The following CHST8 variants were observed in gnomAD, a reference collection of about 807,000 sequenced individuals.
CHST8 encodes the protein GALNAC-4-ST1.
In CHST8, 10 loss-of-function variants were observed where a neutral mutation model predicts 15.0. The ratio of observed to expected loss-of-function variants is 0.67; its 90% confidence interval spans 0.41 to 1.13. The LOEUF is 1.13. Ranked by LOEUF, CHST8 falls within the 50% of genes most tolerant of loss-of-function variation. The pLI is 0.00. For synonymous variants in CHST8, 259 were observed against 256.6 expected, an observed-to-expected ratio of 1.01 and a Z score of -0.09; for missense variants, 634 against 608.2, an observed-to-expected ratio of 1.04 and a Z score of -0.45.
At chr19:33,755,545 G>T (rs1303983466) in intron 3 of CHST8, among the ~76,000 whole-genome samples, 1 of 152,196 alleles carries the variant, frequency 6.6e-6, no homozygotes, top group Non-Finnish European at 1.5e-5. Context: ...TACCTGGCCC[G>T]CTCCTCATCC....
At chr19:33,630,656 G>C (rs1972110908) in intron 1 of CHST8, among the ~76,000 whole-genome samples, 1 of 151,468 alleles carries the variant, frequency 6.6e-6, no homozygotes, top group African/African-American at 2.4e-5. Context: ...TACGATGACG[G>C]AGCCAGCACG....
intron 3 of CHST8, among the ~76,000 whole-genome samples, chr19:33,738,208 T>C (rs1974121243): frequency 6.6e-6 from 1 of 152,224 alleles, no homozygotes; most frequent in South Asian, 2.1e-4. Flanking sequence ...GACAGGGTCG[T>C]GGACTGGCTG....
At chr19:33,725,877 T>C (rs1004014734) in intron 3 of CHST8, among the ~76,000 whole-genome samples, 2 of 152,058 alleles carry the variant, frequency 1.3e-5, no homozygotes, top group African/African-American at 4.8e-5. Context: ...AGGGTCTAGG[T>C]GGCTGGTATT....
chr19:33,743,493 G>A (rs965576652), intron 3 of CHST8, among the ~76,000 whole-genome samples: 3 of 151,874 alleles, frequency 2.0e-5, no homozygotes, highest in Non-Finnish European at 2.9e-5. Context: ...AGTAGAGACG[G>A]GATTTCACCG....
chr19:33,694,189 T>A (rs1397865771), intron 3 of CHST8, among the ~76,000 whole-genome samples: 1 of 65,482 alleles, frequency 1.5e-5, no homozygotes, highest in African/African-American at 6.2e-5. Flanking sequence ...TATATATATA[T>A]ATATATATAT....
chr19:33,704,908 TAAAAAAAA>T (rs553461502), intron 3 of CHST8, among the ~76,000 whole-genome samples: 2 of 127,384 alleles, frequency 1.6e-5, no homozygotes, highest in African/African-American at 5.7e-5. Context: ...GATGCTGTCT[TAAAAAAAA>T]AAAAAAAAAG....
chr19:33,772,344 G>T lies in CHST8; in HGVS notation c.556G>T (p.Val186Leu). ...VTPRHVSRIF[V>L]EDRHRVLYCE... ...GCCCCGCCACGTGTCCCGTATCTTC[G>T]TGGAGGACCGCCACCGCGTGCTCTA... The change falls in exon 5 of 5, where the codon GTG becomes TTG. Residue 186 changes from valine to leucine, a missense_variant. By Grantham distance (32) the Val-to-Leu change is conservative (BLOSUM62 1). Coordinates refer to ENST00000650847, the MANE Select transcript of CHST8 (RefSeq NM_001127895.2). The T allele has an allele frequency of 6.2e-7, 1 of 1,606,660 alleles. No homozygotes were observed. The highest frequency in any genetic ancestry group is 8.5e-7 in the Non-Finnish European group (1 of 1,179,182).
At chr19:33,644,660 G>A (rs764680420) in intron 1 of CHST8, among the ~76,000 whole-genome samples, 18 of 152,120 alleles carry the variant, frequency 1.2e-4, no homozygotes, top group South Asian at 4.1e-4. Flanking sequence ...AGGATCAGTC[G>A]ATTCCAGGAG....
At chr19:33,640,419 G>A (rs149889996) in intron 1 of CHST8, among the ~76,000 whole-genome samples, 108 of 152,278 alleles carry the variant, frequency 7.1e-4, no homozygotes, top group African/African-American at 2.6e-3. Flanking sequence ...AGGTCTGTCC[G>A]TTCCTGTTCC....
intron 3 of CHST8, among the ~76,000 whole-genome samples, chr19:33,732,610 T>A (rs2145327842): frequency 6.6e-6 from 1 of 152,150 alleles, no homozygotes; most frequent in Non-Finnish European, 1.5e-5. Flanking sequence ...AGGATACCCA[T>A]AGATAGAACA....
At chr19:33,690,048 G>A (rs530595756) in intron 3 of CHST8, among the ~76,000 whole-genome samples, 48 of 152,244 alleles carry the variant, frequency 3.2e-4, no homozygotes, top group African/African-American at 1.1e-3. Context: ...TCTGCTGCCG[G>A]GACACGGTCC....
At chr19:33,656,186 CTA>C (rs761722081) in intron 1 of CHST8, among the ~76,000 whole-genome samples, 1 of 151,904 alleles carries the variant, frequency 6.6e-6, no homozygotes, top group East Asian at 1.9e-4. Context: ...TTATTAATTT[CTA>C]GTTAGATAGT....
chr19:33,626,591 T>C (rs761612383), intron 1 of CHST8, among the ~76,000 whole-genome samples: 2 of 152,236 alleles, frequency 1.3e-5, no homozygotes, highest in Middle Eastern at 3.4e-3. Flanking sequence ...GCTCTATTAG[T>C]TCCCACAAGA....
intron 1 of CHST8, among the ~76,000 whole-genome samples, chr19:33,655,639 G>A (rs1364372075): frequency 6.6e-6 from 1 of 152,094 alleles, no homozygotes; most frequent in Non-Finnish European, 1.5e-5. Context: ...GTATCACTTT[G>A]CTTCCCTAGA....
At chr19:33,729,425 C>G (rs1177651371) in intron 3 of CHST8, among the ~76,000 whole-genome samples, 2 of 152,220 alleles carry the variant, frequency 1.3e-5, no homozygotes, top group Non-Finnish European at 2.9e-5. Context: ...AGACAGAAGT[C>G]ACAGCGCGTG....
rs138150067 is a variant in CHST8, at chr19:33,708,049, T to C, written c.130+18658T>C. Among the ~76,000 whole-genome samples the C allele has an allele frequency of 2.3e-4, 35 of 152,366 alleles. 1 individual carries two copies. The South Asian group carries it at 5.0e-3, about 22-fold the overall frequency. On this transcript the variant is annotated intron_variant, in intron 3 of 4. Transcript: ENST00000650847. The stretch of plus-strand genomic sequence containing the variant: ...CATGTGCTTATTAGCCATTTGGATA[T>C]ATTCTTTAGTGAAATATCTATTCAA...
intron 1 of CHST8, among the ~76,000 whole-genome samples, chr19:33,664,278 T>C (rs1317281099): frequency 6.6e-6 from 1 of 151,862 alleles, no homozygotes; most frequent in Admixed American, 6.5e-5. Flanking sequence ...TCTTTTTTAT[T>C]TATTTATTTA....
At chr19:33,712,009 A>ATTCC (rs1973561580) in intron 3 of CHST8, among the ~76,000 whole-genome samples, 1 of 152,262 alleles carries the variant, frequency 6.6e-6, no homozygotes, top group East Asian at 1.9e-4. Flanking sequence ...TTTAGACAGG[A>ATTCC]AACCGTAATT....
chr19:33,704,276 C>T (rs1973400608), intron 3 of CHST8, among the ~76,000 whole-genome samples: 1 of 152,208 alleles, frequency 6.6e-6, no homozygotes, highest in Non-Finnish European at 1.5e-5. Context: ...TGGATGGAGT[C>T]CCAAGACCCC....
Sources: gnomAD v4.1 joint callset for allele counts (sites outside exome capture counted in the v4.1 genomes callset) on GRCh38, gnomAD v4.1.1 for gene constraint, MANE v1.5 for transcripts, NCBI Gene and HGNC (gene_info 2026-07-23, HGNC 2026-07-21) for gene names.